PTGER2: variants seen among roughly 807,000 people sequenced by gnomAD.
PTGER2 encodes prostaglandin E2 receptor EP2 subtype.
Under a neutral mutation model 26.2 loss-of-function variants are expected in PTGER2, and 22 were observed. That is an observed-to-expected ratio of 0.84 (90% CI 0.60 to 1.20). The LOEUF (loss-of-function observed/expected upper bound fraction) is 1.20, where lower values mean the gene tolerates loss of function less well. Ranked by LOEUF, PTGER2 falls within the 50% of genes most tolerant of loss-of-function variation. The probability of loss-of-function intolerance (pLI) is 0.00; values close to 1 mark genes in which losing one functional copy is unlikely to be tolerated. For missense variants in PTGER2, 458 were observed against 475.2 expected (o/e 0.96, Z 0.34); for synonymous variants, 219 against 208.9 (o/e 1.05, Z -0.42).
rs1357414077 is a variant in PTGER2, at chr14:52,314,760, T to G, written c.212T>G (p.Val71Gly). The change falls in exon 1 of 2, where the codon GTG (valine) becomes GGG (glycine). Residue 71 changes from valine (V) to glycine (G), a missense_variant. Coordinates refer to ENST00000245457, the MANE Select transcript of PTGER2 (RefSeq NM_000956.4). This position sits in a 1 kb window ranked among gnomAD's most constrained non-coding sequence, Gnocchi z 5.7. The stretch of plus-strand genomic sequence containing the variant: ...TCCCTCTCCTTGTTCCACGTGCTGG[T>G]GACCGAGCTGGTGTTCACCGACCTG... ...RSSLSLFHVL[V>G]TELVFTDLLG... 4 of 1,603,544 alleles carry G rather than the reference T, an allele frequency of 2.5e-6. No homozygotes were observed. Among genetic ancestry groups the G allele is most frequent in the Admixed American group, 3.4e-5 (2 of 59,632 alleles).
At chr14:52,325,070 C>T (rs2033935686) in intron 1 of PTGER2, among the ~76,000 whole-genome samples, 1 of 152,024 alleles carries the variant, frequency 6.6e-6, no homozygotes, top group African/African-American at 2.4e-5. Flanking sequence ...ACGCAGGAGG[C>T]AGAGGTTGCA....
At chr14:52,324,226 G>T (rs1309903168) in intron 1 of PTGER2, among the ~76,000 whole-genome samples, 1 of 152,212 alleles carries the variant, frequency 6.6e-6, no homozygotes, top group African/African-American at 2.4e-5. Context: ...ACATGAAAAA[G>T]CATCGGTTTC....
intron 1 of PTGER2, among the ~76,000 whole-genome samples, chr14:52,315,708 C>A (rs1256101132): frequency 2.0e-5 from 3 of 152,214 alleles, no homozygotes; most frequent in African/African-American, 4.8e-5. Flanking sequence ...TCGCTGTTGC[C>A]TATCTTGGCT....
At chr14:52,317,305 G>A (rs2033850811) in intron 1 of PTGER2, among the ~76,000 whole-genome samples, 1 of 152,174 alleles carries the variant, frequency 6.6e-6, no homozygotes, top group Admixed American at 6.5e-5. Context: ...ACGAGCAAGA[G>A]GAAAAAGTTC....
chr14:52,314,890 C>T lies in PTGER2; in HGVS notation c.342C>T (p.Phe114=), dbSNP rs1397436185. 1.2e-6 allele frequency: 2 copies of T among 1,612,992 alleles called. No individual in the cohort carries two copies. The highest frequency in any genetic ancestry group is 1.7e-5 in the Admixed American group (1 of 60,008). ...GCCGCGCGTGCACCTACTTCGCTTTCGCCATGACCTTCTTCAGCCTGGCCA... is the reference window on the plus strand; with the variant it reads ...GCCGCGCGTGCACCTACTTCGCTTTTGCCATGACCTTCTTCAGCCTGGCCA... ...PESRACTYFA[F]AMTFFSLATM... is the part of the protein sequence containing the mutation. The change falls in exon 1 of 2, where the codon TTC becomes TTT. Residue 114 remains phenylalanine, a synonymous_variant. Transcript: ENST00000245457. This position sits in a 1 kb window ranked among gnomAD's most constrained non-coding sequence, Gnocchi z 5.7.
chr14:52,324,810 GA>G (rs1311976837), intron 1 of PTGER2, among the ~76,000 whole-genome samples: 2 of 152,054 alleles, frequency 1.3e-5, no homozygotes, highest in Non-Finnish European at 2.9e-5. Flanking sequence ...CAAGAATTTC[GA>G]GGGTCACTGA....
intron 1 of PTGER2, among the ~76,000 whole-genome samples, chr14:52,324,493 C>T (rs2033928696): frequency 6.6e-6 from 1 of 152,186 alleles, no homozygotes; most frequent in Non-Finnish European, 1.5e-5. Flanking sequence ...AGACATGCTC[C>T]CAGCCTAACT....
At chr14:52,321,897 A>G (rs553148372) in intron 1 of PTGER2, among the ~76,000 whole-genome samples, 11 of 152,344 alleles carry the variant, frequency 7.2e-5, no homozygotes, top group African/African-American at 2.4e-4. Flanking sequence ...TGAAAGCTCA[A>G]AGTCATTTGT....
intron 1 of PTGER2, among the ~76,000 whole-genome samples, chr14:52,319,439 T>C (rs2033873475): frequency 6.6e-6 from 1 of 152,266 alleles, no homozygotes; most frequent in Non-Finnish European, 1.5e-5. Flanking sequence ...AACCATGTGG[T>C]GTTTGGGAAA....
chr14:52,321,275 G>T (rs1201244155), intron 1 of PTGER2, among the ~76,000 whole-genome samples: 1 of 150,660 alleles, frequency 6.6e-6, no homozygotes, highest in African/African-American at 2.4e-5. Context: ...TTTTTTTAAA[G>T]AATGAATTAG....
intron 1 of PTGER2, among the ~76,000 whole-genome samples, chr14:52,321,743 A>G (rs915492398): frequency 1.5e-4 from 23 of 152,206 alleles, no homozygotes; most frequent in African/African-American, 5.6e-4. Flanking sequence ...GGTTTATGTA[A>G]ATATTAAACA....
intron 1 of PTGER2, among the ~76,000 whole-genome samples, chr14:52,326,286 T>C (rs1448485023): frequency 6.6e-6 from 1 of 152,226 alleles, no homozygotes; most frequent in Non-Finnish European, 1.5e-5. Context: ...CAGTGAGCAC[T>C]GCACTGGCAT....
chr14:52,321,902 A>G (rs764073209), intron 1 of PTGER2, among the ~76,000 whole-genome samples: 1 of 152,192 alleles, frequency 6.6e-6, no homozygotes, highest in Non-Finnish European at 1.5e-5. Context: ...GCTCAAAGTC[A>G]TTTGTTTGAT....
At chr14:52,321,891 A>G (rs2033899427) in intron 1 of PTGER2, among the ~76,000 whole-genome samples, 1 of 152,234 alleles carries the variant, frequency 6.6e-6, no homozygotes, top group Non-Finnish European at 1.5e-5. Context: ...GAATTCTGAA[A>G]GCTCAAAGTC....
intron 1 of PTGER2, among the ~76,000 whole-genome samples, chr14:52,322,484 C>T (rs908552433): frequency 6.6e-6 from 1 of 152,178 alleles, no homozygotes; most frequent in Non-Finnish European, 1.5e-5. Flanking sequence ...AGCAGAATTA[C>T]TGATAAGGGT....
intron 1 of PTGER2, 53 bp downstream of exon 1, chr14:52,315,444 T>A: frequency 1.3e-6 from 2 of 1,599,482 alleles, no homozygotes; most frequent in Middle Eastern, 1.7e-4. Context: ...CTTCTCATGC[T>A]CTCCCCTGAC....
intron 1 of PTGER2, among the ~76,000 whole-genome samples, chr14:52,321,157 C>T (rs764775882): frequency 4.6e-5 from 7 of 152,104 alleles, no homozygotes; most frequent in Non-Finnish European, 1.0e-4. Context: ...TTTCCTATTG[C>T]AGGAAAATAG....
intron 1 of PTGER2, among the ~76,000 whole-genome samples, chr14:52,322,530 A>C (rs1056929268): frequency 3.3e-5 from 5 of 152,174 alleles, no homozygotes; most frequent in African/African-American, 1.2e-4. Flanking sequence ...CTTGATAAAC[A>C]TCTTAAACAA....
At chr14:52,319,699 C>T (rs1594637304) in intron 1 of PTGER2, among the ~76,000 whole-genome samples, 1 of 152,318 alleles carries the variant, frequency 6.6e-6, no homozygotes, top group Non-Finnish European at 1.5e-5. Flanking sequence ...TATCAAGCCC[C>T]TTTCTCGCCA....
Sources: allele counts gnomAD v4.1 joint callset (sites outside exome capture counted in the v4.1 genomes callset), GRCh38; gene constraint gnomAD v4.1.1; non-coding constraint Gnocchi (gnomAD v3.1); transcripts MANE v1.5; gene names NCBI Gene and HGNC (gene_info 2026-07-23, HGNC 2026-07-21).